The following GRIP1 variants were observed in gnomAD, a reference collection of about 807,000 sequenced individuals.
GRIP1 encodes the protein glutamate receptor-interacting protein 1.
In GRIP1, 45 loss-of-function variants were observed where a neutral mutation model predicts 129.9. That is an observed-to-expected ratio of 0.35 (90% CI 0.27 to 0.44). The LOEUF (loss-of-function observed/expected upper bound fraction) is 0.44. Ranked by LOEUF, GRIP1 falls within the 20% of genes least tolerant of loss-of-function variation. The probability of loss-of-function intolerance (pLI) is 1.00; values close to 1 mark genes in which losing one functional copy is unlikely to be tolerated. For synonymous variants in GRIP1, 530 were observed against 520.8 expected (o/e 1.02, Z -0.24); for missense variants, 1,196 against 1,396.8 (o/e 0.86, Z 2.29).
intron 1 of GRIP1, among the ~76,000 whole-genome samples, chr12:66,609,373 C>A (rs1299004766): frequency 6.6e-6 from 1 of 152,098 alleles, no homozygotes; most frequent in Non-Finnish European, 1.5e-5. Context: ...GATGCAGACA[C>A]TTGACATACT....
chr12:67,059,266 TAGA>T (rs2043490826), intron 1 of GRIP1, among the ~76,000 whole-genome samples: 1 of 152,152 alleles, frequency 6.6e-6, no homozygotes, highest in African/African-American at 2.4e-5. Context: ...AAGGCCTCGG[TAGA>T]AGGTCACAAA....
At chr12:66,401,609 T>TATATACACAC (rs1169241331) in intron 16 of GRIP1, among the ~76,000 whole-genome samples, 3 of 110,176 alleles carry the variant, frequency 2.7e-5, no homozygotes, top group African/African-American at 1.1e-4. Context: ...TATATATATA[T>TATATACACAC]ACACACACAC....
intron 1 of GRIP1, among the ~76,000 whole-genome samples, chr12:67,055,975 A>AG (rs1408109909): frequency 2.6e-5 from 4 of 152,164 alleles, no homozygotes; most frequent in Non-Finnish European, 1.5e-5. Context: ...GATCTGTCTA[A>AG]GGGGGAGCTA....
intron 1 of GRIP1, among the ~76,000 whole-genome samples, chr12:66,714,007 AC>A (rs2035791619): frequency 6.6e-6 from 1 of 152,078 alleles, no homozygotes; most frequent in East Asian, 1.9e-4. Flanking sequence ...CTGTGACCTA[AC>A]ACAGTCAAAT....
At chr12:66,908,730 C>G (rs2040978365) in intron 1 of GRIP1, among the ~76,000 whole-genome samples, 1 of 152,128 alleles carries the variant, frequency 6.6e-6, no homozygotes, top group Non-Finnish European at 1.5e-5. Flanking sequence ...TGGAAGAGGA[C>G]TGTATATCTT....
intron 7 of GRIP1, among the ~76,000 whole-genome samples, chr12:66,476,308 T>C (rs1038476247): frequency 1.3e-5 from 2 of 152,128 alleles, no homozygotes; most frequent in African/African-American, 2.4e-5. Flanking sequence ...CTCCCAAGAC[T>C]AAACCAGGAA....
At chr12:66,458,083 G>A (rs12371843) in intron 9 of GRIP1, among the ~76,000 whole-genome samples, 61,087 of 152,082 alleles carry the variant, frequency 0.4, 13,330 homozygotes, top group African/African-American at 0.55. Flanking sequence ...AATTTCACTC[G>A]TTGGACATTT....
At chr12:66,629,403 A>G (rs1348031765) in intron 1 of GRIP1, among the ~76,000 whole-genome samples, 1 of 152,238 alleles carries the variant, frequency 6.6e-6, no homozygotes, top group Non-Finnish European at 1.5e-5. Flanking sequence ...TTCCTGAAGC[A>G]AAAGGTGATA....
chr12:67,015,491 G>C (rs2042772733), intron 1 of GRIP1, among the ~76,000 whole-genome samples: 1 of 152,070 alleles, frequency 6.6e-6, no homozygotes, highest in African/African-American at 2.4e-5. Context: ...ACTACAACTT[G>C]GGCCTGGTGA....
chr12:66,864,391 A>C (rs1386641353), intron 1 of GRIP1, among the ~76,000 whole-genome samples: 1 of 152,110 alleles, frequency 6.6e-6, no homozygotes, highest in East Asian at 1.9e-4. Flanking sequence ...GTCATCAATA[A>C]TATGATCTGA....
intron 7 of GRIP1, among the ~76,000 whole-genome samples, chr12:66,506,866 C>T (rs968218836): frequency 1.6e-5 from 2 of 127,542 alleles, no homozygotes; most frequent in Non-Finnish European, 3.4e-5. Context: ...GAGTATTCTG[C>T]AAAAATAAAC....
chr12:66,680,502 T>C (rs951442977), upstream of GRIP1, among the ~76,000 whole-genome samples: 2 of 152,170 alleles, frequency 1.3e-5, no homozygotes, highest in Non-Finnish European at 2.9e-5. Context: ...GAAAATACTA[T>C]ATTAAATGGA....
intron 3 of GRIP1, among the ~76,000 whole-genome samples, chr12:66,540,112 C>T (rs79907609): frequency 0.065 from 9,822 of 152,278 alleles, 440 homozygotes; most frequent in Admixed American, 0.14. Context: ...ACACTTATGT[C>T]AACTTAACCG....
At chr12:66,476,816 A>G (rs964596641) in intron 7 of GRIP1, among the ~76,000 whole-genome samples, 2 of 152,204 alleles carry the variant, frequency 1.3e-5, no homozygotes, top group Non-Finnish European at 2.9e-5. Context: ...GGCCTTTGAC[A>G]ATATTCAACA....
intron 1 of GRIP1, among the ~76,000 whole-genome samples, chr12:66,809,609 C>A (rs529297731): frequency 6.6e-6 from 1 of 151,908 alleles, no homozygotes; most frequent in Non-Finnish European, 1.5e-5. Context: ...TTCTTACTAA[C>A]TGAAACTCAT....
At chr12:66,532,970 T>G (rs896734395) in intron 4 of GRIP1, among the ~76,000 whole-genome samples, 6 of 152,202 alleles carry the variant, frequency 3.9e-5, no homozygotes, top group Non-Finnish European at 7.3e-5. Flanking sequence ...AGACTGTTTT[T>G]CATTAAATGA....
chr12:66,723,206 CT>C lies in GRIP1; in HGVS notation c.-420+80846del, dbSNP rs1409295484. On this transcript the variant is annotated intron_variant, in intron 1 of 4. Coordinates refer to the GRIP1 transcript ENST00000538373. ...CACCTAGGGTTTTTCATCTTCTTTT[CT>C]TTCTTTCTTTCTTTCTTTCTCTCTC... Among the ~76,000 whole-genome samples the C allele has an allele frequency of 4.1e-3, 211 of 50,844 alleles. 3 individuals carry two copies. Among genetic ancestry groups the C allele is most frequent in the African/African-American group, 0.022 (194 of 8,960 alleles). 33.4% of individuals were successfully genotyped at this position (50,844 alleles called of 152,430 possible).
At chr12:66,876,902 CTCTT>C (rs1269216529) in intron 1 of GRIP1, among the ~76,000 whole-genome samples, 13 of 152,056 alleles carry the variant, frequency 8.5e-5, no homozygotes, top group East Asian at 1.9e-4. Context: ...ATTAGATAAA[CTCTT>C]TCTAAAATTA....
intron 1 of GRIP1, among the ~76,000 whole-genome samples, chr12:67,034,350 G>C (rs2043064175): frequency 6.6e-6 from 1 of 152,134 alleles, no homozygotes; most frequent in Middle Eastern, 3.2e-3. Flanking sequence ...ACAGGGATAA[G>C]TTCTACGAAA....
Sources: allele counts gnomAD v4.1 joint callset (sites outside exome capture counted in the v4.1 genomes callset), GRCh38; gene constraint gnomAD v4.1.1; transcripts MANE v1.5; gene names NCBI Gene and HGNC (gene_info 2026-07-23, HGNC 2026-07-21).